GRIP1: variants seen among roughly 807,000 people sequenced by gnomAD.
GRIP1 encodes glutamate receptor-interacting protein 1.
In GRIP1, 45 loss-of-function variants were observed where a neutral mutation model predicts 129.9. The observed-to-expected ratio is 0.35, with a 90% CI of 0.27 to 0.44. The LOEUF is 0.44. Among genes scored for constraint, GRIP1 ranks in the 20% least tolerant of loss-of-function variants. The pLI, the probability that GRIP1 is intolerant of heterozygous loss-of-function variation, is 1.00. For synonymous variants in GRIP1, 530 were observed against 520.8 expected, an observed-to-expected ratio of 1.02 and a Z score of -0.24; for missense variants, 1,196 against 1,396.8, an observed-to-expected ratio of 0.86 and a Z score of 2.29.
At chr12:67,000,115 G>A (rs895452990) in intron 1 of GRIP1, among the ~76,000 whole-genome samples, 3 of 152,048 alleles carry the variant, frequency 2.0e-5, no homozygotes, top group Admixed American at 1.3e-4. Context: ...CCTCGAACTA[G>A]GCAAGGACCT....
chr12:67,069,190 G>T (rs893117063), upstream of GRIP1: 2 of 819,926 alleles, frequency 2.4e-6, no homozygotes, highest in Non-Finnish European at 2.9e-6. Context: ...CTCCTCGCTC[G>T]TCCTCTAGGG....
At chr12:66,536,427 C>T (rs1041249714) in intron 4 of GRIP1, among the ~76,000 whole-genome samples, 2 of 152,176 alleles carry the variant, frequency 1.3e-5, no homozygotes, top group Admixed American at 6.5e-5. Context: ...TCTTACTGCT[C>T]ATTCTGCTAT....
chr12:66,739,873 T>C (rs2036733428), intron 1 of GRIP1, among the ~76,000 whole-genome samples: 1 of 152,150 alleles, frequency 6.6e-6, no homozygotes, highest in African/African-American at 2.4e-5. Context: ...CCAAACTTCC[T>C]ATAAGTCTGT....
chr12:66,414,866 A>G (rs878939499), intron 15 of GRIP1, among the ~76,000 whole-genome samples: 1 of 151,664 alleles, frequency 6.6e-6, no homozygotes, highest in Non-Finnish European at 1.5e-5. Flanking sequence ...AATTTAATAC[A>G]TGGCACTGGG....
At chr12:66,629,738 G>C (rs960474379) in intron 1 of GRIP1, among the ~76,000 whole-genome samples, 4 of 152,198 alleles carry the variant, frequency 2.6e-5, no homozygotes, top group African/African-American at 9.7e-5. Flanking sequence ...CTTTCTCCAT[G>C]AGGGAGTGAA....
chr12:66,658,245 C>A (rs79344250), intron 1 of GRIP1, among the ~76,000 whole-genome samples: 1,957 of 152,188 alleles, frequency 0.013, 50 homozygotes, highest in African/African-American at 0.045. Flanking sequence ...TATTAATTAG[C>A]AAATTACTTT....
At chr12:66,782,391 T>C (rs1235328409) in intron 1 of GRIP1, among the ~76,000 whole-genome samples, 2 of 152,154 alleles carry the variant, frequency 1.3e-5, no homozygotes, top group African/African-American at 4.8e-5. Flanking sequence ...CACCTTTCTC[T>C]GGAACTGGAG....
intron 16 of GRIP1, among the ~76,000 whole-genome samples, chr12:66,405,343 T>A (rs1257703374): frequency 6.6e-6 from 1 of 152,180 alleles, no homozygotes; most frequent in Non-Finnish European, 1.5e-5. Flanking sequence ...ACTTTATGGA[T>A]CCATATCACA....
At chr12:66,676,663 T>A (rs569184079) in intron 1 of GRIP1, among the ~76,000 whole-genome samples, 1 of 152,088 alleles carries the variant, frequency 6.6e-6, no homozygotes, top group Admixed American at 6.6e-5. Flanking sequence ...AAGAAATATG[T>A]ATGTTTGGGA....
intron 1 of GRIP1, among the ~76,000 whole-genome samples, chr12:67,052,587 G>A (rs1159245379): frequency 1.3e-5 from 2 of 151,932 alleles, no homozygotes; most frequent in South Asian, 2.1e-4. Context: ...GTGAAACCCC[G>A]TTTCTACTAA....
At chr12:66,626,521 G>C (rs985637525) in intron 1 of GRIP1, 1 of 152,104 alleles carries the variant, frequency 6.6e-6, no homozygotes, top group South Asian at 2.1e-4. Flanking sequence ...TTTCTTAAAT[G>C]TCTTGAATAT....
intron 1 of GRIP1, among the ~76,000 whole-genome samples, chr12:66,779,201 T>C (rs866696910): frequency 8.5e-5 from 13 of 152,176 alleles, no homozygotes; most frequent in Non-Finnish European, 5.9e-5. Flanking sequence ...TCCAGGTCAA[T>C]ATGGCAGGTT....
chr12:66,771,728 TAGAA>T (rs1003446641), intron 1 of GRIP1, among the ~76,000 whole-genome samples: 7 of 152,174 alleles, frequency 4.6e-5, no homozygotes, highest in African/African-American at 1.7e-4. Context: ...GCTGTTGGTT[TAGAA>T]AGAAAGAAAG....
intron 1 of GRIP1, among the ~76,000 whole-genome samples, chr12:66,884,509 G>A (rs1397853164): frequency 6.6e-6 from 1 of 152,184 alleles, no homozygotes; most frequent in African/African-American, 2.4e-5. Context: ...CAACTTCCTT[G>A]AATGGAGGAT....
chr12:66,791,157 T>C (rs183737599), intron 1 of GRIP1, among the ~76,000 whole-genome samples: 64 of 152,286 alleles, frequency 4.2e-4, no homozygotes, highest in Middle Eastern at 6.8e-3. Context: ...TCACTCTAAG[T>C]GAACCAGGCA....
At chr12:66,913,074 G>C (rs559611620) in intron 1 of GRIP1, among the ~76,000 whole-genome samples, 3 of 152,338 alleles carry the variant, frequency 2.0e-5, no homozygotes, top group South Asian at 2.1e-4. Context: ...TGCCAAACAA[G>C]TCGGCCGCCA....
intron 22 of GRIP1, chr12:66,372,203 GA>G (rs2055546209): frequency 5.6e-6 from 3 of 538,602 alleles, no homozygotes; most frequent in Non-Finnish European, 1.0e-5. Flanking sequence ...GAGGCAAATT[GA>G]AATGCTCTAA....
chr12:66,469,587 C>G (rs1437119793), intron 7 of GRIP1, among the ~76,000 whole-genome samples: 1 of 152,146 alleles, frequency 6.6e-6, no homozygotes, highest in Non-Finnish European at 1.5e-5. Flanking sequence ...CAGGGCACAA[C>G]TACAACTTTC....
At chr12:66,570,744 G>A (rs1038641295) in intron 2 of GRIP1, among the ~76,000 whole-genome samples, 10 of 152,028 alleles carry the variant, frequency 6.6e-5, no homozygotes, top group African/African-American at 2.2e-4. Flanking sequence ...TGTCAAATTC[G>A]AAAAATGATA....
Sources: gnomAD v4.1 joint callset for allele counts (sites outside exome capture counted in the v4.1 genomes callset) on GRCh38, gnomAD v4.1.1 for gene constraint, MANE v1.5 for transcripts, NCBI Gene and HGNC (gene_info 2026-07-23, HGNC 2026-07-21) for gene names.